ANGPT2: variants seen among roughly 807,000 people sequenced by gnomAD.
The protein encoded by ANGPT2 is angiopoietin-2.
Under a neutral mutation model 62.9 loss-of-function variants are expected in ANGPT2, and 28 were observed. The ratio of observed to expected loss-of-function variants is 0.44; its 90% CI spans 0.33 to 0.61. The LOEUF is 0.61. ANGPT2 is among the 20% of genes least tolerant of loss of function. ANGPT2 has a pLI of 0.03. For missense variants in ANGPT2, 727 were observed against 594.9 expected, an observed-to-expected ratio of 1.22 and a Z score of -2.31; for synonymous variants, 284 against 207.8, an observed-to-expected ratio of 1.37 and a Z score of -3.15.
In ANGPT2 at chr8:6,548,058, G is replaced by T. The variant is rs916112169; in HGVS notation, c.288+14589C>A. Among the ~76,000 whole-genome samples, 5 of 152,112 alleles carry T rather than the reference G, an allele frequency of 3.3e-5. 1 individual carries two copies. Among genetic ancestry groups the T allele is most frequent in the African/African-American group, 1.2e-4 (5 of 41,412 alleles). On this transcript the variant is annotated intron_variant, in intron 1 of 8. Coordinates refer to ENST00000629816, the MANE Select transcript of ANGPT2 (RefSeq NM_001118887.2). ...TCCAAGTGCCAGCTTAAACTTTGTG[G>T]TTTAGTGTCTTTACTGAATCCCCCC...
intron 1 of ANGPT2, among the ~76,000 whole-genome samples, chr8:6,533,835 T>C (rs751780765): frequency 6.6e-6 from 1 of 152,154 alleles, no homozygotes; most frequent in Non-Finnish European, 1.5e-5. Context: ...TGTTAACCAC[T>C]AAATAATTCT....
At chr8:6,548,449 G>A (rs763947847) in intron 1 of ANGPT2, among the ~76,000 whole-genome samples, 12 of 152,152 alleles carry the variant, frequency 7.9e-5, no homozygotes, top group Non-Finnish European at 1.6e-4. Context: ...ATCCCCAGTG[G>A]TCGCTAGCTC....
chr8:6,526,341 G>C (rs897300843), intron 3 of ANGPT2, among the ~76,000 whole-genome samples: 1 of 151,594 alleles, frequency 6.6e-6, no homozygotes, highest in African/African-American at 2.4e-5. Flanking sequence ...GGCTGACATG[G>C]GAGAATCACC....
In ANGPT2 at chr8:6,514,810, G is replaced by C. The variant is rs200615678; in HGVS notation, c.928-32C>G. 254 of 1,590,206 alleles carry C rather than the reference G, an allele frequency of 1.6e-4. 1 individual carries two copies. In the African/African-American group the frequency reaches 3.2e-3, roughly 20 times the overall value. On this transcript the variant is annotated intron_variant, in intron 5 of 8. Transcript: ENST00000629816. ...ACAGGAATGCAGGGTATAAGTGACA[G>C]AGCCCCCCCACTCCCCCCTTACGTA...
chr8:6,507,362 T>A (rs1813956784), intron 8 of ANGPT2, among the ~76,000 whole-genome samples: 1 of 152,206 alleles, frequency 6.6e-6, no homozygotes, highest in Non-Finnish European at 1.5e-5. Flanking sequence ...TCTCTAGAAA[T>A]TAAACCCTGC....
rs1439019283 is a variant in ANGPT2, at chr8:6,501,145, A to T, written c.*1956T>A. The stretch of plus-strand genomic sequence containing the variant: ...TCTTAACTAGTTAAATAGTTGTTGG[A>T]AAAGTGCACCTTGGTGGAAATAAAA... On this transcript the variant is annotated 3_prime_UTR_variant, in exon 9 of 9. Coordinates refer to ENST00000629816, the MANE Select transcript of ANGPT2 (RefSeq NM_001118887.2). 6.6e-6 allele frequency: 1 copy of T among 152,228 alleles called. No homozygotes were observed. The highest frequency in any genetic ancestry group is 1.5e-5 in the Non-Finnish European group (1 of 68,036). The allele number at this position is 152,228 out of a possible 1,614,324, so 9.4% of individuals were successfully genotyped here.
In ANGPT2 at chr8:6,500,299, G is replaced by A. The variant is rs1044534116; in HGVS notation, c.*2802C>T. ...GGTATAAAGATTATGGCTTGCTGGT[G>A]CTGTGATAACAGTATTTATATTTTT... On this transcript the variant is annotated 3_prime_UTR_variant, in exon 9 of 9. Coordinates refer to ENST00000629816, the MANE Select transcript of ANGPT2 (RefSeq NM_001118887.2). 10 of 200,198 alleles carry A rather than the reference G, an allele frequency of 5.0e-5. No homozygotes were observed. The highest frequency in any genetic ancestry group is 1.7e-4 in the Admixed American group (3 of 18,112). The allele number at this position is 200,198 out of a possible 1,614,324, so 12.4% of individuals were successfully genotyped here.
intron 7 of ANGPT2, among the ~76,000 whole-genome samples, chr8:6,511,483 G>T (rs1246665883): frequency 1.3e-5 from 2 of 152,062 alleles, no homozygotes; most frequent in Non-Finnish European, 2.9e-5. Flanking sequence ...AAATTCTATT[G>T]ATGCATTTAT....
chr8:6,508,580 G>C, intron 8 of ANGPT2: 1 of 428,784 alleles, frequency 2.3e-6, no homozygotes, highest in Non-Finnish European at 4.1e-6. Context: ...TTGCTACTTG[G>C]AATTTTTAAC....
At chr8:6,507,838 C>T (rs893845988) in intron 8 of ANGPT2, 1 of 139,342 alleles carries the variant, frequency 7.2e-6, no homozygotes, top group African/African-American at 2.4e-5. Flanking sequence ...CCTCCTTGGC[C>T]TCCCAAAGTG....
chr8:6,522,051 A>C (rs1817451246), intron 3 of ANGPT2, among the ~76,000 whole-genome samples: 1 of 152,124 alleles, frequency 6.6e-6, no homozygotes. Flanking sequence ...TGAGGAACAA[A>C]TGGGTTTTAA....
intron 1 of ANGPT2, among the ~76,000 whole-genome samples, chr8:6,544,931 A>G (rs562198937): frequency 2.4e-4 from 37 of 152,340 alleles, no homozygotes; most frequent in African/African-American, 8.2e-4. Context: ...TGTTCTCACA[A>G]TGGAATTATT....
chr8:6,504,462 G>T (rs1451903966), intron 8 of ANGPT2, among the ~76,000 whole-genome samples: 1 of 151,960 alleles, frequency 6.6e-6, no homozygotes, highest in Non-Finnish European at 1.5e-5. Context: ...GTCTACATCC[G>T]GTCTCCTGAT....
rs1397349836 is a variant in ANGPT2, at chr8:6,562,831, T to C, written c.104A>G (p.Gln35Arg). The stretch of plus-strand genomic sequence containing the variant: ...GTAGCTGCAGGACCCATGCTGGACC[T>C]GATATTGCTTCTTTCCTATGCTGTC... ...SMDSIGKKQY[Q>R]VQHGSCSYTF... Residue 35 changes from glutamine (Q) to arginine (R), a missense_variant, in exon 1 of 9, where the codon CAG becomes CGG. Coordinates refer to ENST00000629816, the MANE Select transcript of ANGPT2 (RefSeq NM_001118887.2). The C allele has an allele frequency of 1.2e-6, 2 of 1,613,958 alleles. No individual in the cohort carries two copies. The highest frequency in any genetic ancestry group is 1.7e-6 in the Non-Finnish European group (2 of 1,179,980).
chr8:6,554,952 T>C (rs528037185), intron 1 of ANGPT2, among the ~76,000 whole-genome samples: 1 of 152,290 alleles, frequency 6.6e-6, no homozygotes, highest in South Asian at 2.1e-4. Context: ...TGGAGAAATA[T>C]CTAATTAAAA....
intron 7 of ANGPT2, among the ~76,000 whole-genome samples, chr8:6,512,817 A>C (rs901970680): frequency 6.6e-6 from 1 of 152,228 alleles, no homozygotes; most frequent in African/African-American, 2.4e-5. Context: ...GGTGAGGACA[A>C]GGTAAACACC....
intron 3 of ANGPT2, among the ~76,000 whole-genome samples, chr8:6,524,976 G>A (rs1014816783): frequency 1.4e-4 from 22 of 152,244 alleles, no homozygotes; most frequent in Admixed American, 1.3e-3. Flanking sequence ...TCAGGTGCAT[G>A]TCTGTCTAGG....
Position 6,532,416 on chromosome 8 carries a change from C to A in ANGPT2, c.360G>T (p.Gln120His). 6.2e-7 allele frequency: 1 copy of A among 1,614,120 alleles called. No homozygotes were observed. The change falls in exon 2 of 9, where the codon CAG becomes CAT. Residue 120 changes from glutamine to histidine, a missense_variant. Physicochemically the swap from Gln to His is conservative, Grantham distance 24 (BLOSUM62 0). Transcript: ENST00000629816. ...VEIQQNAVQN[Q>H]TAVMIEIGTN... ...TCCCTATTTCTATCATCACAGCCGT[C>A]TGGTTCTGTACTGCATTCTGCTGTA...
At position 6,499,711 on chromosome 8, in the gene ANGPT2, G is replaced by A; in HGVS notation, c.*3390C>T. On this transcript the variant is annotated 3_prime_UTR_variant, in exon 9 of 9. Coordinates refer to ENST00000629816, the MANE Select transcript of ANGPT2 (RefSeq NM_001118887.2). ...ATTTATGCAACATGAAGATTCTGAAGGGACTTTGTTGTCTGAGAACACATC... is the reference window on the plus strand; with the variant it reads ...ATTTATGCAACATGAAGATTCTGAAAGGACTTTGTTGTCTGAGAACACATC... 1 of 704,182 alleles carries A rather than the reference G, an allele frequency of 1.4e-6. No individual in the cohort carries two copies. 43.6% of individuals were successfully genotyped at this position (704,182 alleles called of 1,614,324 possible). A position where few individuals can be genotyped will look rare whatever the true frequency, so the allele number is the denominator to read the frequency against.
Sources: gnomAD v4.1 joint callset for allele counts (sites outside exome capture counted in the v4.1 genomes callset) on GRCh38, gnomAD v4.1.1 for gene constraint, MANE v1.5 for transcripts, NCBI Gene and HGNC (gene_info 2026-07-23, HGNC 2026-07-21) for gene names.